Variants in DIAPH3 observed in about 807,000 individuals in gnomAD.
DIAPH3 encodes diaphanous related formin 3.
DIAPH3 carries 117 observed loss-of-function variants against 144.3 expected under a neutral mutation model. The ratio of observed to expected loss-of-function variants is 0.81; its 90% CI spans 0.70 to 0.95. The LOEUF is 0.95. Among genes scored for constraint, DIAPH3 ranks in the 40% least tolerant of loss-of-function variants. The pLI is 0.00. For missense variants in DIAPH3, 1,421 were observed against 1,412.7 expected, an observed-to-expected ratio of 1.01 and a Z score of -0.09; for synonymous variants, 519 against 488.9, an observed-to-expected ratio of 1.06 and a Z score of -0.81.
At chr13:59,951,478 A>G (rs1323661118) in intron 17 of DIAPH3, among the ~76,000 whole-genome samples, 1 of 152,100 alleles carries the variant, frequency 6.6e-6, no homozygotes, top group Non-Finnish European at 1.5e-5. Context: ...CATACATAAT[A>G]CTGTATACTG....
intron 27 of DIAPH3, among the ~76,000 whole-genome samples, chr13:59,677,615 A>T (rs749846076): frequency 6.6e-6 from 1 of 152,154 alleles, no homozygotes; most frequent in African/African-American, 2.4e-5. Context: ...TCAGGAGCTT[A>T]AGAGCCACAC....
chr13:59,796,846 T>A (rs1471670930), intron 25 of DIAPH3, among the ~76,000 whole-genome samples: 1 of 152,158 alleles, frequency 6.6e-6, no homozygotes, highest in East Asian at 1.9e-4. Context: ...ATAGAACAAG[T>A]GAGTGGAAGA....
At chr13:59,858,416 A>G (rs562865006) in intron 22 of DIAPH3, among the ~76,000 whole-genome samples, 12 of 152,160 alleles carry the variant, frequency 7.9e-5, no homozygotes, top group Non-Finnish European at 1.8e-4. Flanking sequence ...TAATCACTCA[A>G]TAAAGGCTTG....
intron 9 of DIAPH3, among the ~76,000 whole-genome samples, chr13:59,993,702 T>TAAAAAAAAAAAAAAAAAAAAAAAAAAAAA (rs3078724): frequency 1.4e-5 from 1 of 73,896 alleles, no homozygotes; most frequent in African/African-American, 6.1e-5. Context: ...GAAACATACT[T>TAAAAAAAAAAAAAAAAAAAAAAAAAAAAA]AAAAAAAAAA....
intron 27 of DIAPH3, among the ~76,000 whole-genome samples, chr13:59,730,341 C>T (rs550186148): frequency 2.0e-5 from 3 of 152,110 alleles, no homozygotes; most frequent in African/African-American, 7.2e-5. Context: ...AATAATTTTA[C>T]ACCTTTATGT....
intron 25 of DIAPH3, among the ~76,000 whole-genome samples, chr13:59,808,669 A>C (rs889413774): frequency 1.3e-5 from 2 of 152,166 alleles, no homozygotes; most frequent in Non-Finnish European, 2.9e-5. Flanking sequence ...TGACTAATGC[A>C]AGTTAAATTG....
chr13:60,016,484 C>G (rs1031928311), intron 5 of DIAPH3, among the ~76,000 whole-genome samples: 1 of 152,106 alleles, frequency 6.6e-6, no homozygotes, highest in Non-Finnish European at 1.5e-5. Flanking sequence ...TCAGAGCCTC[C>G]CCCACCCACG....
intron 24 of DIAPH3, among the ~76,000 whole-genome samples, chr13:59,828,600 G>A (rs1415951136): frequency 5.6e-5 from 8 of 141,602 alleles, no homozygotes; most frequent in African/African-American, 2.1e-4. Context: ...TCTCTACCCT[G>A]CAGTTATCTC....
At chr13:60,134,533 A>G (rs9598090) in intron 1 of DIAPH3, among the ~76,000 whole-genome samples, 61,454 of 152,008 alleles carry the variant, frequency 0.4, 12,893 homozygotes, top group Admixed American at 0.52. Context: ...TGCCTGTGTG[A>G]GGCGCCCTTC....
intron 4 of DIAPH3, among the ~76,000 whole-genome samples, chr13:60,075,357 A>G (rs1169082693): frequency 6.6e-6 from 1 of 151,904 alleles, no homozygotes; most frequent in Non-Finnish European, 1.5e-5. Context: ...CCAGCTTTTT[A>G]TTTCTTCTAA....
At chr13:59,976,566 C>G (rs943259355) in intron 14 of DIAPH3, among the ~76,000 whole-genome samples, 4 of 151,796 alleles carry the variant, frequency 2.6e-5, no homozygotes, top group Admixed American at 6.6e-5. Flanking sequence ...CATATTCAAC[C>G]TCTTTTCCTG....
intron 4 of DIAPH3, among the ~76,000 whole-genome samples, chr13:60,085,693 C>G (rs1204342461): frequency 6.6e-6 from 1 of 152,126 alleles, no homozygotes; most frequent in East Asian, 1.9e-4. Flanking sequence ...ACATACATAG[C>G]ATTTATTTTC....
At chr13:60,083,257 T>TG (rs1194510087) in intron 4 of DIAPH3, among the ~76,000 whole-genome samples, 1 of 152,006 alleles carries the variant, frequency 6.6e-6, no homozygotes, top group Non-Finnish European at 1.5e-5. Context: ...CTTCAGAGAA[T>TG]GATAGAGAAT....
intron 27 of DIAPH3, among the ~76,000 whole-genome samples, chr13:59,744,395 T>C (rs2036606994): frequency 6.6e-6 from 1 of 152,212 alleles, no homozygotes; most frequent in African/African-American, 2.4e-5. Context: ...ATGAAGAAGA[T>C]GGTCTCTGCC....
intron 27 of DIAPH3, among the ~76,000 whole-genome samples, chr13:59,735,982 C>T (rs1456185068): frequency 6.6e-6 from 1 of 152,092 alleles, no homozygotes; most frequent in African/African-American, 2.4e-5. Context: ...TGTTGTTCCC[C>T]TCTATGTGTC....
intron 1 of DIAPH3, among the ~76,000 whole-genome samples, chr13:60,148,473 G>C (rs532342708): frequency 1.3e-5 from 2 of 152,288 alleles, no homozygotes; most frequent in East Asian, 3.9e-4. Flanking sequence ...ATTGGACATG[G>C]CAGGACACAA....
At position 59,840,124 on chromosome 13, in the gene DIAPH3, G is replaced by A. The variant is rs530187556; in HGVS notation, c.2738-676C>T. Among the ~76,000 whole-genome samples, 12 of 152,044 alleles carry A rather than the reference G, an allele frequency of 7.9e-5. No homozygotes were observed. The South Asian group carries it at 8.3e-4, about 10-fold the overall frequency. On this transcript the variant is annotated intron_variant, in intron 22 of 27. Transcript: ENST00000400324. ...AGAACAGACATTAAGGATCATTTCT[G>A]AAAATCTTTTCATAGTCAATTTTAT...
At chr13:59,904,435 TA>T (rs111440195) in intron 20 of DIAPH3, among the ~76,000 whole-genome samples, 4 of 152,116 alleles carry the variant, frequency 2.6e-5, no homozygotes, top group African/African-American at 7.2e-5. Context: ...ATACTTTTTT[TA>T]AAAAGTTTTA....
intron 17 of DIAPH3, among the ~76,000 whole-genome samples, chr13:59,956,212 C>T (rs1369901025): frequency 6.6e-6 from 1 of 152,168 alleles, no homozygotes; most frequent in Non-Finnish European, 1.5e-5. Flanking sequence ...TGTTAATCAC[C>T]AAGCCAATGG....
Sources: allele counts gnomAD v4.1 joint callset (sites outside exome capture counted in the v4.1 genomes callset), GRCh38; gene constraint gnomAD v4.1.1; transcripts MANE v1.5; gene names NCBI Gene and HGNC (gene_info 2026-07-23, HGNC 2026-07-21).